The following UNC13C variants were observed in gnomAD, a reference collection of about 807,000 sequenced individuals.
The protein encoded by UNC13C is protein unc-13 homolog C.
UNC13C carries 174 observed loss-of-function variants against 245.4 expected under a neutral mutation model. The ratio of observed to expected loss-of-function variants is 0.71; its 90% CI spans 0.63 to 0.80. The LOEUF is 0.80. UNC13C is among the 30% of genes least tolerant of loss of function. The probability of loss-of-function intolerance (pLI) is 0.00; values close to 1 mark genes in which losing one functional copy is unlikely to be tolerated. For synonymous variants in UNC13C, 992 were observed against 895.1 expected, an observed-to-expected ratio of 1.11 and a Z score of -1.93; for missense variants, 2,829 against 2,602.9, an observed-to-expected ratio of 1.09 and a Z score of -1.89.
chr15:54,626,846 T>A lies in UNC13C; in HGVS notation c.6378T>A (p.Asn2126Lys). 1 of 1,611,372 alleles carries A rather than the reference T, an allele frequency of 6.2e-7. No individual in the cohort carries two copies. Among genetic ancestry groups the A allele is most frequent in the Non-Finnish European group, 8.5e-7 (1 of 1,178,474 alleles). Residue 2126 changes from asparagine to lysine, a missense_variant, in exon 33 of 33, where the codon AAT becomes AAA. Asn to Lys is a moderately conservative substitution (Grantham distance 94). Transcript: ENST00000260323. ...CACACAGCATTCTCGGAAAGGAAAA[T>A]CGACCAGGGGCTTATGAACTTCATC... The part of the protein sequence containing the change: ...ETFQFILGKE[N>K]RPGAYELHLS...
At chr15:54,338,518 C>T (rs368154862) in intron 17 of UNC13C, 29 bp downstream of exon 17, 32 of 1,605,408 alleles carry the variant, frequency 2.0e-5, no homozygotes, top group Middle Eastern at 1.7e-4. Context: ...CTTTTATAAT[C>T]GCCACTTTTG....
intron 31 of UNC13C, 134 bp from the exon 32 acceptor site, chr15:54,623,661 G>T (rs1261586779): frequency 4.0e-6 from 3 of 753,948 alleles, no homozygotes; most frequent in African/African-American, 3.5e-5. Flanking sequence ...GTATTTTATT[G>T]TCTTGGAGTA....
intron 30 of UNC13C, among the ~76,000 whole-genome samples, chr15:54,608,202 A>C (rs926160855): frequency 1.3e-5 from 2 of 152,224 alleles, no homozygotes; most frequent in Admixed American, 1.3e-4. Context: ...AATGTAACAG[A>C]AATTAAATAG....
intron 2 of UNC13C, among the ~76,000 whole-genome samples, chr15:54,116,860 T>C (rs1278439199): frequency 2.6e-5 from 4 of 152,164 alleles, no homozygotes; most frequent in African/African-American, 7.2e-5. Flanking sequence ...TAGTTTTCCA[T>C]AGTGGCTGTA....
intron 23 of UNC13C, among the ~76,000 whole-genome samples, chr15:54,507,402 C>T (rs1894522356): frequency 6.6e-6 from 1 of 151,946 alleles, no homozygotes. Context: ...TCAATGCCAG[C>T]CAACTTGTGG....
At chr15:54,093,217 CT>C (rs777319441) in intron 2 of UNC13C, among the ~76,000 whole-genome samples, 1 of 148,958 alleles carries the variant, frequency 6.7e-6, no homozygotes, top group Non-Finnish European at 1.5e-5. Flanking sequence ...CAAAATCAAT[CT>C]TGTCTATTTT....
chr15:54,574,273 A>C (rs1219576465), intron 30 of UNC13C, among the ~76,000 whole-genome samples: 1 of 152,164 alleles, frequency 6.6e-6, no homozygotes, highest in African/African-American at 2.4e-5. Context: ...AATTTGACTC[A>C]GTGGTTTAAA....
At chr15:53,881,862 A>C in the UNC13C span, among the ~76,000 whole-genome samples, 1 of 152,210 alleles carries the variant, frequency 6.6e-6, no homozygotes, top group African/African-American at 2.4e-5. Context: ...AGGGCTGTGC[A>C]TCATGCCTAT....
rs1246153039 is a variant in UNC13C at position 54,164,155 on chromosome 15, AG to A, written c.3071+20473del. Among the ~76,000 whole-genome samples, 6 of 152,194 alleles carry A rather than the reference AG, an allele frequency of 3.9e-5. 1 individual carries two copies. Among genetic ancestry groups the A allele is most frequent in the Admixed American group, 2.0e-4 (3 of 15,276 alleles). On this transcript the variant is annotated intron_variant, in intron 4 of 32. Transcript: ENST00000260323. ...ACGTTAAATATGTTCAGTTAAAGAA[AG>A]GAAAAAGGAGAGCTAGCTAGCTAAA...
the UNC13C span, among the ~76,000 whole-genome samples, chr15:53,881,362 A>G: frequency 6.6e-6 from 1 of 152,218 alleles, no homozygotes; most frequent in East Asian, 1.9e-4. Flanking sequence ...GTGGCCATTA[A>G]GTATCTTAAA....
intron 4 of UNC13C, among the ~76,000 whole-genome samples, chr15:54,190,391 A>G (rs2034143273): frequency 6.6e-6 from 1 of 152,072 alleles, no homozygotes; most frequent in Non-Finnish European, 1.5e-5. Context: ...CTCGCCACCC[A>G]TCCCTTTTCC....
chr15:54,139,591 A>T (rs1373082214), intron 2 of UNC13C, among the ~76,000 whole-genome samples: 1 of 152,248 alleles, frequency 6.6e-6, no homozygotes, highest in Non-Finnish European at 1.5e-5. Context: ...TGTTTGATTA[A>T]TAATATTCTC....
At chr15:54,559,572 C>A (rs2141204501) in intron 29 of UNC13C, among the ~76,000 whole-genome samples, 1 of 152,058 alleles carries the variant, frequency 6.6e-6, no homozygotes, top group South Asian at 2.1e-4. Context: ...GAGATGAGAG[C>A]ACCTGCCTTT....
At chr15:53,838,208 T>C in the UNC13C span, among the ~76,000 whole-genome samples, 1 of 152,094 alleles carries the variant, frequency 6.6e-6, no homozygotes, top group African/African-American at 2.4e-5. Flanking sequence ...ATAAATACGA[T>C]GTGTTTATCC....
chr15:54,077,791 A>G (rs1898718588), intron 2 of UNC13C, among the ~76,000 whole-genome samples: 1 of 152,208 alleles, frequency 6.6e-6, no homozygotes, highest in African/African-American at 2.4e-5. Context: ...TAAAAAAATA[A>G]GCCTGTGTAA....
chr15:54,287,583 T>A (rs1335875573), intron 10 of UNC13C, among the ~76,000 whole-genome samples: 1 of 152,226 alleles, frequency 6.6e-6, no homozygotes, highest in Non-Finnish European at 1.5e-5. Context: ...TTATTTTATC[T>A]TCCTATTTTA....
intron 2 of UNC13C, among the ~76,000 whole-genome samples, chr15:54,127,002 G>C (rs1338869024): frequency 1.3e-5 from 2 of 152,162 alleles, no homozygotes; most frequent in East Asian, 3.8e-4. Context: ...AAACCACAAT[G>C]AGATACCATC....
At chr15:54,250,170 A>G in intron 7 of UNC13C, 55 bp from the exon 8 acceptor site, 2 of 1,525,360 alleles carry the variant, frequency 1.3e-6, no homozygotes. Context: ...TTATTTTGAA[A>G]CAATTCAAAT....
chr15:54,199,892 C>A (rs1238005154), intron 4 of UNC13C, among the ~76,000 whole-genome samples: 1 of 151,938 alleles, frequency 6.6e-6, no homozygotes, highest in African/African-American at 2.4e-5. Context: ...TTAAAAGATA[C>A]AGAATGGCTG....
Sources: gnomAD v4.1 joint callset for allele counts (sites outside exome capture counted in the v4.1 genomes callset) on GRCh38, gnomAD v4.1.1 for gene constraint, MANE v1.5 for transcripts, NCBI Gene and HGNC (gene_info 2026-07-23, HGNC 2026-07-21) for gene names.